The following MAPK4 variants were observed in gnomAD, a reference collection of about 807,000 sequenced individuals.
MAPK4 encodes Erk3-related.
A neutral mutation model predicts 47.7 loss-of-function variants in MAPK4; 22 were observed. That is an observed-to-expected ratio of 0.46 (90% CI 0.33 to 0.66). MAPK4 has a LOEUF of 0.66. Ranked by LOEUF, MAPK4 falls within the 30% of genes least tolerant of loss-of-function variation. The pLI, the probability that MAPK4 is intolerant of heterozygous loss-of-function variation, is 0.02. For missense variants in MAPK4, 736 were observed against 831.7 expected, an observed-to-expected ratio of 0.88 and a Z score of 1.42; for synonymous variants, 390 against 365.7, an observed-to-expected ratio of 1.07 and a Z score of -0.76.
chr18:50,605,260 G>A (rs2042572511), intron 1 of MAPK4, among the ~76,000 whole-genome samples: 1 of 152,194 alleles, frequency 6.6e-6, no homozygotes, highest in Admixed American at 6.5e-5. Context: ...ACTACTGGAT[G>A]GGCACTGGGG....
intron 1 of MAPK4, among the ~76,000 whole-genome samples, chr18:50,649,090 C>T (rs183670057): frequency 2.6e-5 from 4 of 152,314 alleles, no homozygotes; most frequent in Admixed American, 6.5e-5. Flanking sequence ...TAAAACTAAA[C>T]CTAGGGATGG....
chr18:50,644,067 C>G (rs1419856433), intron 1 of MAPK4, among the ~76,000 whole-genome samples: 1 of 152,020 alleles, frequency 6.6e-6, no homozygotes, highest in Non-Finnish European at 1.5e-5. Context: ...GAGTTGCCTC[C>G]CCTTCTCTTT....
chr18:50,679,394 G>A (rs1908454006), intron 2 of MAPK4, among the ~76,000 whole-genome samples: 1 of 152,148 alleles, frequency 6.6e-6, no homozygotes, highest in South Asian at 2.1e-4. Context: ...TTCTGTAGCT[G>A]GAAGATCAAT....
intron 1 of MAPK4, among the ~76,000 whole-genome samples, chr18:50,578,684 G>A (rs1476104288): frequency 6.6e-6 from 1 of 152,204 alleles, no homozygotes; most frequent in Non-Finnish European, 1.5e-5. Context: ...TAGGTATTGT[G>A]CAAGCTTTGC....
intron 1 of MAPK4, among the ~76,000 whole-genome samples, chr18:50,585,026 T>A (rs1474122190): frequency 6.6e-6 from 1 of 152,244 alleles, no homozygotes. Flanking sequence ...GTTGGAAAGG[T>A]CATTTTCCTA....
intron 1 of MAPK4, among the ~76,000 whole-genome samples, chr18:50,638,517 A>G (rs2042909206): frequency 6.6e-6 from 1 of 152,210 alleles, no homozygotes; most frequent in South Asian, 2.1e-4. Context: ...TTCCGTATTT[A>G]CTGCCGGGTG....
At chr18:50,638,306 T>C (rs745666338) in intron 1 of MAPK4, among the ~76,000 whole-genome samples, 3 of 152,242 alleles carry the variant, frequency 2.0e-5, no homozygotes, top group Non-Finnish European at 4.4e-5. Flanking sequence ...AAAAATATTA[T>C]GATAAATCAC....
chr18:50,622,924 A>AC (rs2042745239), intron 1 of MAPK4, among the ~76,000 whole-genome samples: 1 of 152,248 alleles, frequency 6.6e-6, no homozygotes, highest in Admixed American at 6.5e-5. Flanking sequence ...ACAGTCAGAT[A>AC]CATAGTCTCA....
intron 1 of MAPK4, among the ~76,000 whole-genome samples, chr18:50,561,019 G>A (rs2042149191): frequency 6.6e-6 from 1 of 152,260 alleles, no homozygotes; most frequent in Admixed American, 6.5e-5. Context: ...CCCGGGAGGG[G>A]GCTGTGGCGG....
chr18:50,718,479 AAGTGCTGGGATTAC>A (rs1338949109), intron 3 of MAPK4, among the ~76,000 whole-genome samples: 1 of 152,188 alleles, frequency 6.6e-6, no homozygotes, highest in Non-Finnish European at 1.5e-5. Context: ...CAGCCTCCCA[AAGTGCTGGGATTAC>A]AGGCATGAGC....
intron 1 of MAPK4, among the ~76,000 whole-genome samples, chr18:50,632,625 T>A (rs1028749913): frequency 9.4e-5 from 14 of 149,648 alleles, no homozygotes; most frequent in African/African-American, 3.2e-4. Flanking sequence ...AATTTTTTTT[T>A]TTTTTTTTTT....
chr18:50,620,634 G>C (rs947347335), intron 1 of MAPK4, among the ~76,000 whole-genome samples: 3 of 152,182 alleles, frequency 2.0e-5, no homozygotes, highest in African/African-American at 7.2e-5. Context: ...GCCAGGTGCA[G>C]TTACTTGTGC....
At chr18:50,718,742 A>G (rs1910768065) in intron 3 of MAPK4, among the ~76,000 whole-genome samples, 1 of 152,134 alleles carries the variant, frequency 6.6e-6, no homozygotes, top group Non-Finnish European at 1.5e-5. Context: ...TATTAATATG[A>G]TATGTTAATA....
intron 1 of MAPK4, among the ~76,000 whole-genome samples, chr18:50,574,138 A>G (rs1200319756): frequency 6.6e-6 from 1 of 152,122 alleles, no homozygotes; most frequent in Non-Finnish European, 1.5e-5. Flanking sequence ...GTGCCATTGC[A>G]TCTATTTCAT....
intron 1 of MAPK4, among the ~76,000 whole-genome samples, chr18:50,647,985 T>G (rs190036899): frequency 6.6e-6 from 1 of 152,268 alleles, no homozygotes; most frequent in East Asian, 1.9e-4. Context: ...ATCAACTTTT[T>G]ATTGAGCATA....
At chr18:50,715,346 T>C in intron 3 of MAPK4, 123 bp downstream of exon 3, 3 of 1,192,162 alleles carry the variant, frequency 2.5e-6, no homozygotes, top group South Asian at 3.2e-5. Context: ...CTTCTGTGGC[T>C]TTTATGACAC....
In MAPK4 at chr18:50,679,076, T is replaced by C. The variant is rs147369637; in HGVS notation, c.546+14572T>C. ...AAATTTTCCCCATTGTCAATCCCTA[T>C]GCCTTTTATTATGGAATTGGAGTCT... On this transcript the variant is annotated intron_variant, in intron 2 of 5. Coordinates refer to ENST00000400384, the MANE Select transcript of MAPK4 (RefSeq NM_002747.4). Among the ~76,000 whole-genome samples the C allele has an allele frequency of 9.8e-4, 149 of 152,330 alleles. 1 individual carries two copies. Among genetic ancestry groups the C allele is most frequent in the Admixed American group, 2.5e-3 (38 of 15,304 alleles).
chr18:50,592,611 C>G (rs571603245), intron 1 of MAPK4, among the ~76,000 whole-genome samples: 1 of 152,196 alleles, frequency 6.6e-6, no homozygotes, highest in Non-Finnish European at 1.5e-5. Flanking sequence ...TGTAGATTTC[C>G]TTACCCGAAT....
chr18:50,690,825 A>T (rs1909173800), intron 2 of MAPK4, among the ~76,000 whole-genome samples: 1 of 152,184 alleles, frequency 6.6e-6, no homozygotes, highest in Non-Finnish European at 1.5e-5. Flanking sequence ...TACTTTTGCA[A>T]TTAAAAAATA....
Sources: gnomAD v4.1 joint callset for allele counts (sites outside exome capture counted in the v4.1 genomes callset) on GRCh38, gnomAD v4.1.1 for gene constraint, MANE v1.5 for transcripts, NCBI Gene and HGNC (gene_info 2026-07-23, HGNC 2026-07-21) for gene names.